NELL1: variants seen among roughly 807,000 people sequenced by gnomAD.
NELL1 encodes protein kinase C-binding protein NELL1.
In NELL1, 76 loss-of-function variants were observed where a neutral mutation model predicts 107.4. The observed-to-expected ratio is 0.71, with a 90% CI of 0.59 to 0.86. NELL1 has a LOEUF of 0.86. Ranked by LOEUF, NELL1 falls within the 40% of genes least tolerant of loss-of-function variation. The pLI, the probability that NELL1 is intolerant of heterozygous loss-of-function variation, is 0.00. For missense variants in NELL1, 1,024 were observed against 1,005.5 expected (o/e 1.02, Z -0.25); for synonymous variants, 353 against 341.2 (o/e 1.03, Z -0.38).
intron 13 of NELL1, among the ~76,000 whole-genome samples, chr11:21,174,390 T>G (rs1856669375): frequency 6.6e-6 from 1 of 151,880 alleles, no homozygotes; most frequent in Non-Finnish European, 1.5e-5. Flanking sequence ...TAGCACCTAG[T>G]AGCACTTATA....
chr11:20,976,107 T>G (rs1005584069), intron 12 of NELL1, among the ~76,000 whole-genome samples: 1 of 135,180 alleles, frequency 7.4e-6, no homozygotes, highest in African/African-American at 2.9e-5. Flanking sequence ...TATACACATA[T>G]CTGTACATAT....
At chr11:20,747,179 G>A (rs1396807332) in intron 2 of NELL1, among the ~76,000 whole-genome samples, 1 of 152,200 alleles carries the variant, frequency 6.6e-6, no homozygotes, top group Non-Finnish European at 1.5e-5. Context: ...AAAATGTTAA[G>A]TAGTCTGTGT....
intron 4 of NELL1, among the ~76,000 whole-genome samples, chr11:20,862,517 G>T (rs537732192): frequency 1.3e-5 from 2 of 149,790 alleles, no homozygotes; most frequent in South Asian, 2.1e-4. Flanking sequence ...TACATTTGTG[G>T]GTTTTAACAA....
intron 12 of NELL1, among the ~76,000 whole-genome samples, chr11:21,002,447 T>C (rs1852243960): frequency 6.6e-6 from 1 of 152,178 alleles, no homozygotes; most frequent in African/African-American, 2.4e-5. Context: ...AAAGTCTTTC[T>C]GTTTGTCTGG....
At chr11:20,839,333 G>T (rs981932687) in intron 3 of NELL1, among the ~76,000 whole-genome samples, 1 of 152,102 alleles carries the variant, frequency 6.6e-6, no homozygotes, top group Non-Finnish European at 1.5e-5. Flanking sequence ...TTAATCTCTT[G>T]CTATATGTTT....
chr11:20,997,665 A>G (rs1852121758), intron 12 of NELL1, among the ~76,000 whole-genome samples: 1 of 152,210 alleles, frequency 6.6e-6, no homozygotes, highest in African/African-American at 2.4e-5. Context: ...TGTGTGTAAA[A>G]TTATTCCCAC....
intron 4 of NELL1, among the ~76,000 whole-genome samples, chr11:20,856,771 A>G (rs1246337350): frequency 1.3e-5 from 2 of 152,256 alleles, no homozygotes; most frequent in Non-Finnish European, 2.9e-5. Flanking sequence ...CACCACGCTA[A>G]GGAAAATGTA....
intron 15 of NELL1, among the ~76,000 whole-genome samples, chr11:21,519,021 A>G (rs1855645043): frequency 6.6e-6 from 1 of 152,132 alleles, no homozygotes; most frequent in South Asian, 2.1e-4. Flanking sequence ...CTAGTTTGGT[A>G]TTTCTGTGAT....
At chr11:21,079,968 A>T (rs572008445) in intron 12 of NELL1, among the ~76,000 whole-genome samples, 2 of 152,146 alleles carry the variant, frequency 1.3e-5, no homozygotes, top group Admixed American at 1.3e-4. Context: ...GAGGATTGGT[A>T]GAGAAAATGA....
chr11:21,215,693 G>A (rs2133865653), intron 13 of NELL1, among the ~76,000 whole-genome samples: 1 of 152,298 alleles, frequency 6.6e-6, no homozygotes, highest in Middle Eastern at 3.4e-3. Context: ...AAAGAGACTG[G>A]CAGCATTTTG....
chr11:20,742,194 T>A (rs1299294704), intron 2 of NELL1, among the ~76,000 whole-genome samples: 1 of 152,160 alleles, frequency 6.6e-6, no homozygotes, highest in Non-Finnish European at 1.5e-5. Context: ...TCAGCCAGGC[T>A]CTTGCTTGGC....
intron 12 of NELL1, among the ~76,000 whole-genome samples, chr11:21,105,903 TC>T (rs199665980): frequency 1 from 59,473 of 59,754 alleles, 29,596 homozygotes; most frequent in Middle Eastern, 1. Context: ...TCTTTATTCT[TC>T]CCCCTTCCTT....
chr11:21,113,736 T>C, intron 13 of NELL1, 22 bp downstream of exon 13: 3 of 1,607,516 alleles, frequency 1.9e-6, no homozygotes, highest in Non-Finnish European at 2.6e-6. Context: ...GAAGCAGTGT[T>C]GTTTTTTTAA....
chr11:20,858,241 C>T (rs991242394), intron 4 of NELL1, among the ~76,000 whole-genome samples: 4 of 152,096 alleles, frequency 2.6e-5, no homozygotes, highest in African/African-American at 4.8e-5. Context: ...GAGCCATCAC[C>T]GTTTAAGGAA....
At chr11:20,838,671 G>A (rs1387546311) in intron 3 of NELL1, among the ~76,000 whole-genome samples, 1 of 151,898 alleles carries the variant, frequency 6.6e-6, no homozygotes, top group Non-Finnish European at 1.5e-5. Flanking sequence ...CTCAACAATA[G>A]AAATAAAAAA....
At chr11:20,862,605 C>CTTGTTTT (rs1848998167) in intron 4 of NELL1, among the ~76,000 whole-genome samples, 1 of 94,650 alleles carries the variant, frequency 1.1e-5, no homozygotes. Flanking sequence ...TGAGCTGCTG[C>CTTGTTTT]TTTTTTTTTT....
chr11:21,114,266 G>A (rs578008711), intron 13 of NELL1, among the ~76,000 whole-genome samples: 11 of 152,002 alleles, frequency 7.2e-5, no homozygotes, highest in African/African-American at 2.4e-4. Context: ...GAGTAGCGCT[G>A]GTTTTATGGG....
intron 14 of NELL1, among the ~76,000 whole-genome samples, chr11:21,258,120 G>A (rs1206448221): frequency 6.6e-6 from 1 of 152,044 alleles, no homozygotes; most frequent in Non-Finnish European, 1.5e-5. Flanking sequence ...TCTTATCTGG[G>A]GCTGGACATT....
At chr11:21,240,194 G>A (rs191251646) in intron 14 of NELL1, among the ~76,000 whole-genome samples, 57 of 152,108 alleles carry the variant, frequency 3.7e-4, no homozygotes, top group Admixed American at 5.9e-4. Flanking sequence ...GAAATGCTAC[G>A]TATTTTAGAT....
Sources: allele counts gnomAD v4.1 joint callset (sites outside exome capture counted in the v4.1 genomes callset), GRCh38; gene constraint gnomAD v4.1.1; transcripts MANE v1.5; gene names NCBI Gene and HGNC (gene_info 2026-07-23, HGNC 2026-07-21).